The following GRM1 variants were observed in gnomAD, a reference collection of about 807,000 sequenced individuals.
GRM1 encodes the protein glutamate metabotropic receptor 1.
Under a neutral mutation model 90.9 loss-of-function variants are expected in GRM1, and 33 were observed. The observed-to-expected ratio is 0.36, with a 90% CI of 0.28 to 0.49. The LOEUF is 0.49. Ranked by LOEUF, GRM1 falls within the 20% of genes least tolerant of loss-of-function variation. The pLI is 0.99. For missense variants in GRM1, 1,190 were observed against 1,534.3 expected (o/e 0.78, Z 3.75); for synonymous variants, 700 against 613.2 (o/e 1.14, Z -2.09).
chr6:146,083,574 G>A (rs1050250822), intron 1 of GRM1, among the ~76,000 whole-genome samples: 3 of 152,168 alleles, frequency 2.0e-5, no homozygotes, highest in Non-Finnish European at 4.4e-5. Flanking sequence ...TGCATCCTAG[G>A]GATGAAGCCG....
At chr6:146,197,507 G>A (rs891434643) in intron 2 of GRM1, among the ~76,000 whole-genome samples, 5 of 152,118 alleles carry the variant, frequency 3.3e-5, no homozygotes, top group Non-Finnish European at 7.4e-5. Context: ...AGCTCTCATG[G>A]GGTTTACCAA....
At position 146,282,425 on chromosome 6, in the gene GRM1, G is replaced by A. The variant is rs549670057; in HGVS notation, c.951-22186G>A. Among the ~76,000 whole-genome samples, 30 of 152,038 alleles carry A rather than the reference G, an allele frequency of 2.0e-4. No homozygotes were observed. The South Asian group carries it at 5.2e-3, about 26-fold the overall frequency. The stretch of plus-strand genomic sequence containing the variant: ...CTGTTTGGGTCACTGCTTCATATCC[G>A]TATAATCTGGAATGCCCCTGGCTCA... On this transcript the variant is annotated intron_variant, in intron 2 of 7. Transcript: ENST00000282753.
chr6:146,378,509 G>C (rs1389277288), intron 5 of GRM1, among the ~76,000 whole-genome samples: 2 of 152,192 alleles, frequency 1.3e-5, no homozygotes, highest in Non-Finnish European at 2.9e-5. Flanking sequence ...TTTAATGACT[G>C]CCATATTGGG....
At chr6:146,334,110 TG>T (rs1438293196) in intron 3 of GRM1, among the ~76,000 whole-genome samples, 1 of 152,182 alleles carries the variant, frequency 6.6e-6, no homozygotes, top group Non-Finnish European at 1.5e-5. Context: ...TATTTGCCTG[TG>T]CCTGTCCCTG....
intron 2 of GRM1, chr6:146,171,503 T>C (rs1778125135): frequency 5.2e-6 from 1 of 192,816 alleles, no homozygotes; most frequent in Non-Finnish European, 1.2e-5. Context: ...GGAATCTGGA[T>C]CTCTGGCTAA....
intron 2 of GRM1, among the ~76,000 whole-genome samples, chr6:146,181,740 G>A (rs1055604293): frequency 6.6e-5 from 10 of 151,992 alleles, no homozygotes; most frequent in Non-Finnish European, 4.4e-5. Context: ...TCTCCTTGTC[G>A]TTTGTCAATG....
chr6:146,186,648 G>A (rs908368980), intron 2 of GRM1, among the ~76,000 whole-genome samples: 2 of 152,018 alleles, frequency 1.3e-5, no homozygotes, highest in Non-Finnish European at 2.9e-5. Flanking sequence ...TCTTCCCTAC[G>A]TACTGCTTAA....
intron 3 of GRM1, among the ~76,000 whole-genome samples, chr6:146,319,206 C>T (rs1784082886): frequency 6.6e-6 from 1 of 151,336 alleles, no homozygotes; most frequent in African/African-American, 2.4e-5. Context: ...TTTCCCAACA[C>T]AATTTATTAA....
chr6:146,081,819 A>G (rs1430707530), intron 1 of GRM1, among the ~76,000 whole-genome samples: 1 of 152,206 alleles, frequency 6.6e-6, no homozygotes, highest in Non-Finnish European at 1.5e-5. Context: ...TATGAATCCA[A>G]TCATGAAATA....
intron 3 of GRM1, among the ~76,000 whole-genome samples, chr6:146,337,233 A>C (rs1211047589): frequency 6.6e-6 from 1 of 152,186 alleles, no homozygotes; most frequent in Non-Finnish European, 1.5e-5. Context: ...GCCCAGACCC[A>C]GCCTCTCCCA....
At chr6:146,271,155 C>T (rs182364994) in intron 2 of GRM1, among the ~76,000 whole-genome samples, 155 of 151,988 alleles carry the variant, frequency 1.0e-3, no homozygotes, top group Non-Finnish European at 1.8e-3. Flanking sequence ...CTGGCACATG[C>T]CACCATGCCC....
intron 1 of GRM1, among the ~76,000 whole-genome samples, chr6:146,102,719 TC>T (rs973781451): frequency 1.3e-5 from 2 of 152,218 alleles, no homozygotes; most frequent in African/African-American, 2.4e-5. Context: ...GAAAAATAAT[TC>T]TTTCAGTTTA....
At chr6:146,409,391 G>A (rs1422906565) in intron 7 of GRM1, among the ~76,000 whole-genome samples, 3 of 152,134 alleles carry the variant, frequency 2.0e-5, no homozygotes, top group African/African-American at 7.2e-5. Context: ...AAACTCCATG[G>A]CTCTGTTAGA....
Position 146,030,058 on chromosome 6 carries a change from C to T in GRM1, c.541C>T (p.Pro181Ser). Residue 181 changes from proline to serine, a missense_variant, in exon 1 of 8, where the codon CCC (proline) becomes TCC (serine). Transcript: ENST00000282753. ...VQNLLQLFDI[P>S]QIAYSATSID... is the part of the protein sequence containing the mutation. ...GAACCTGCTCCAGCTCTTCGACATC[C>T]CCCAGATCGCTTATTCAGCCACAAG... 6.2e-7 allele frequency: 1 copy of T among 1,614,190 alleles called. No individual in the cohort carries two copies. Among genetic ancestry groups the T allele is most frequent in the East Asian group, 2.2e-5 (1 of 44,866 alleles).
At chr6:146,370,833 G>A (rs559256561) in intron 5 of GRM1, among the ~76,000 whole-genome samples, 1 of 152,142 alleles carries the variant, frequency 6.6e-6, no homozygotes, top group Admixed American at 6.6e-5. Flanking sequence ...TGCACCCTGT[G>A]GAGTAATCAA....
intron 7 of GRM1, among the ~76,000 whole-genome samples, chr6:146,409,137 T>C (rs371251634): frequency 6.6e-6 from 1 of 152,116 alleles, no homozygotes; most frequent in Admixed American, 6.5e-5. Context: ...GAAGACTGGG[T>C]CCAGAGTGGA....
At chr6:146,205,212 G>T (rs1443744180) in intron 2 of GRM1, among the ~76,000 whole-genome samples, 2 of 152,090 alleles carry the variant, frequency 1.3e-5, no homozygotes, top group Non-Finnish European at 2.9e-5. Context: ...GACAAAGGAG[G>T]TCATTGAGTT....
intron 2 of GRM1, among the ~76,000 whole-genome samples, chr6:146,200,041 C>T (rs995338698): frequency 3.3e-5 from 5 of 152,160 alleles, no homozygotes; most frequent in Admixed American, 1.3e-4. Context: ...GCAGAGCTCA[C>T]GTCCTCAGAG....
chr6:146,343,471 G>T, intron 3 of GRM1, among the ~76,000 whole-genome samples: 1 of 143,958 alleles, frequency 6.9e-6, no homozygotes. Context: ...TCTCTCATTT[G>T]TTTTTTACTT....
Sources: allele counts gnomAD v4.1 joint callset (sites outside exome capture counted in the v4.1 genomes callset), GRCh38; gene constraint gnomAD v4.1.1; transcripts MANE v1.5; gene names NCBI Gene and HGNC (gene_info 2026-07-23, HGNC 2026-07-21).